CDK6: variants seen among roughly 807,000 people sequenced by gnomAD.
CDK6 encodes cyclin dependent kinase 6.
In CDK6, 6 loss-of-function variants were observed where a neutral mutation model predicts 37.1. That is an observed-to-expected ratio of 0.16 (90% CI 0.09 to 0.32). The LOEUF is 0.32. Among genes scored for constraint, CDK6 ranks in the 10% least tolerant of loss-of-function variants. The pLI is 1.00. For synonymous variants in CDK6, 160 were observed against 161.3 expected, an observed-to-expected ratio of 0.99 and a Z score of 0.06; for missense variants, 224 against 418.9, an observed-to-expected ratio of 0.53 and a Z score of 4.06.
rs553186328 is a variant in CDK6 at position 92,722,168 on chromosome 7, A to AAT, written c.537+3456_537+3457dup. Among the ~76,000 whole-genome samples the AAT allele has an allele frequency of 2.2e-3, 332 of 152,026 alleles. 1 individual carries two copies. Among genetic ancestry groups the AAT allele is most frequent in the Admixed American group, 3.8e-3 (58 of 15,264 alleles). ...AAATAGAAATATCATTTATTATGTA[A>AAT]ATATATATATATTAACATAGATAGT... On this transcript the variant is annotated intron_variant, in intron 4 of 7. Coordinates refer to ENST00000424848, the MANE Select transcript of CDK6 (RefSeq NM_001145306.2).
chr7:92,767,609 C>A (rs1440033205), intron 3 of CDK6, among the ~76,000 whole-genome samples: 1 of 152,116 alleles, frequency 6.6e-6, no homozygotes, highest in African/African-American at 2.4e-5. Context: ...TCCTTCAAAT[C>A]ATCTCTCCTA....
intron 4 of CDK6, among the ~76,000 whole-genome samples, chr7:92,713,224 G>A (rs1798142782): frequency 6.6e-6 from 1 of 152,016 alleles, no homozygotes; most frequent in Non-Finnish European, 1.5e-5. Context: ...ATTTTTGAAT[G>A]TATATCAAGT....
chr7:92,622,945 G>T, intron 6 of CDK6, 91 bp downstream of exon 6: 2 of 777,262 alleles, frequency 2.6e-6, no homozygotes, highest in Non-Finnish European at 4.4e-6. Context: ...AGAAAGACAA[G>T]AGATAAACAC....
chr7:92,688,573 C>T (rs10243384), intron 4 of CDK6, among the ~76,000 whole-genome samples: 31,592 of 139,914 alleles, frequency 0.23, 4,770 homozygotes, highest in East Asian at 0.5. Context: ...GTATAGACTA[C>T]ATATACATCA....
intron 2 of CDK6, among the ~76,000 whole-genome samples, chr7:92,812,620 C>G (rs778860895): frequency 6.6e-5 from 10 of 152,004 alleles, no homozygotes; most frequent in Non-Finnish European, 8.8e-5. Context: ...GAAATGAGGT[C>G]TCACTACGTT....
At chr7:92,777,748 GT>G (rs1343458721) in intron 2 of CDK6, among the ~76,000 whole-genome samples, 1 of 152,164 alleles carries the variant, frequency 6.6e-6, no homozygotes, top group Non-Finnish European at 1.5e-5. Context: ...ATTTAAAGTA[GT>G]TTTTTCTAAT....
chr7:92,743,321 A>G (rs1289726003), intron 3 of CDK6, among the ~76,000 whole-genome samples: 2 of 151,932 alleles, frequency 1.3e-5, no homozygotes, highest in Non-Finnish European at 2.9e-5. Flanking sequence ...GGTTGCCATG[A>G]GCCAAGATCA....
At chr7:92,779,614 G>A (rs1392143639) in intron 2 of CDK6, among the ~76,000 whole-genome samples, 4 of 152,148 alleles carry the variant, frequency 2.6e-5, no homozygotes, top group Admixed American at 2.6e-4. Context: ...GAGTCCTAAG[G>A]GTGCCTGTAG....
chr7:92,812,651 C>T (rs1274137741), intron 2 of CDK6, among the ~76,000 whole-genome samples: 1 of 152,002 alleles, frequency 6.6e-6, no homozygotes, highest in African/African-American at 2.4e-5. Flanking sequence ...GTCTCAAATT[C>T]CTGGCCTCAA....
intron 2 of CDK6, among the ~76,000 whole-genome samples, chr7:92,828,465 C>T (rs1801388996): frequency 6.6e-6 from 1 of 152,168 alleles, no homozygotes; most frequent in African/African-American, 2.4e-5. Context: ...AGTAGCTTGA[C>T]CTCCAGAGTG....
At chr7:92,696,797 A>G (rs1797727074) in intron 4 of CDK6, among the ~76,000 whole-genome samples, 1 of 152,224 alleles carries the variant, frequency 6.6e-6, no homozygotes, top group Non-Finnish European at 1.5e-5. Context: ...CAATTCTAAT[A>G]TTCAGAGTCT....
At position 92,629,279 on chromosome 7, in the gene CDK6, G is replaced by A. The variant is rs141655011; in HGVS notation, c.648-6193C>T. On this transcript the variant is annotated intron_variant, in intron 5 of 7. Transcript: ENST00000424848. ...CATCCCTGTCCATAGGAGGGACTATGAGTCTGGTAATTTCCTTAAAAATAA... is the reference window on the plus strand; with the variant it reads ...CATCCCTGTCCATAGGAGGGACTATAAGTCTGGTAATTTCCTTAAAAATAA... Among the ~76,000 whole-genome samples the A allele has an allele frequency of 3.3e-3, 498 of 152,190 alleles. 4 individuals are homozygous for A. Among genetic ancestry groups the A allele is most frequent in the African/African-American group, 0.011 (473 of 41,534 alleles).
At chr7:92,676,034 C>T (rs997658962) in intron 4 of CDK6, among the ~76,000 whole-genome samples, 5 of 151,522 alleles carry the variant, frequency 3.3e-5, no homozygotes, top group Middle Eastern at 3.2e-3. Context: ...AATTTTATTT[C>T]CATTTTGGGA....
At chr7:92,772,616 C>T (rs1273385635) in intron 3 of CDK6, among the ~76,000 whole-genome samples, 2 of 152,092 alleles carry the variant, frequency 1.3e-5, no homozygotes, top group Non-Finnish European at 2.9e-5. Context: ...AAGCCTCCAG[C>T]TCCATCCTGG....
In CDK6 at chr7:92,614,045, A is replaced by C. The variant is rs950609265; in HGVS notation, c.*1095T>G. 4.3e-6 allele frequency: 1 copy of C among 233,152 alleles called. No individual in the cohort carries two copies. The highest frequency in any genetic ancestry group is 2.2e-5 in the African/African-American group (1 of 45,356). The allele number at this position is 233,152 out of a possible 1,614,324, so 14.4% of individuals were successfully genotyped here. A position where few individuals can be genotyped will look rare whatever the true frequency, so the allele number is the denominator to read the frequency against. Reference sequence around the variant, plus strand: ...AGACAAGATGGATACTTTGCCAACAAGGCAGTGTGTGGCAGAAAGTACAGT... The same window carrying C: ...AGACAAGATGGATACTTTGCCAACACGGCAGTGTGTGGCAGAAAGTACAGT... On this transcript the variant is annotated 3_prime_UTR_variant, in exon 8 of 8. Coordinates refer to ENST00000424848, the MANE Select transcript of CDK6 (RefSeq NM_001145306.2).
At chr7:92,790,582 T>A (rs1334689566) in intron 2 of CDK6, among the ~76,000 whole-genome samples, 2 of 152,196 alleles carry the variant, frequency 1.3e-5, no homozygotes, top group Non-Finnish European at 1.5e-5. Flanking sequence ...CAGAGTCTAG[T>A]GGGAAAAGTA....
At chr7:92,786,636 CAT>C (rs35129215) in intron 2 of CDK6, among the ~76,000 whole-genome samples, 17,505 of 139,836 alleles carry the variant, frequency 0.13, 1,224 homozygotes, top group South Asian at 0.37. Context: ...TGTGTGTATA[CAT>C]ATATATATAT....
intron 3 of CDK6, among the ~76,000 whole-genome samples, chr7:92,756,697 A>G (rs1290271580): frequency 5.3e-5 from 8 of 152,238 alleles, no homozygotes; most frequent in Non-Finnish European, 1.2e-4. Context: ...CCAATGCAAC[A>G]TTAGAGTGGT....
At chr7:92,664,152 A>T (rs1328303050) in intron 5 of CDK6, among the ~76,000 whole-genome samples, 1 of 152,104 alleles carries the variant, frequency 6.6e-6, no homozygotes, top group Admixed American at 6.5e-5. Context: ...AAAAAATAAA[A>T]TAAAAAAAAA....
Sources: gnomAD v4.1 joint callset for allele counts (sites outside exome capture counted in the v4.1 genomes callset) on GRCh38, gnomAD v4.1.1 for gene constraint, MANE v1.5 for transcripts, NCBI Gene and HGNC (gene_info 2026-07-23, HGNC 2026-07-21) for gene names.